RNF14: variants seen among roughly 807,000 people sequenced by gnomAD.
RNF14 encodes E3 ubiquitin-protein ligase RNF14.
In RNF14, 26 loss-of-function variants were observed where a neutral mutation model predicts 52.6. The ratio of observed to expected loss-of-function variants is 0.49; its 90% CI spans 0.36 to 0.69. RNF14 has a LOEUF of 0.69. Ranked by LOEUF, RNF14 falls within the 30% of genes least tolerant of loss-of-function variation. The pLI is 0.00. For missense variants in RNF14, 404 were observed against 560.4 expected (o/e 0.72, Z 2.82); for synonymous variants, 194 against 202.0 (o/e 0.96, Z 0.34).
chr5:141,956,512 C>T (rs369995356), upstream of RNF14: 4 of 1,614,104 alleles, frequency 2.5e-6, no homozygotes, highest in Non-Finnish European at 3.4e-6. Context: ...GATCTGAATG[C>T]TGAGCTGTTT....
chr5:141,976,081 T>C (rs11167762), intron 4 of RNF14, among the ~76,000 whole-genome samples: 12,867 of 152,224 alleles, frequency 0.085, 599 homozygotes, highest in African/African-American at 0.11. Flanking sequence ...GAGCTTATGG[T>C]TTAAAAGCAA....
At chr5:141,976,539 T>G (rs761414266) in intron 4 of RNF14, among the ~76,000 whole-genome samples, 2 of 152,158 alleles carry the variant, frequency 1.3e-5, no homozygotes, top group Non-Finnish European at 2.9e-5. Flanking sequence ...TCTCTTATAT[T>G]CCTTCTTGGT....
upstream of RNF14, among the ~76,000 whole-genome samples, chr5:141,962,929 C>G (rs935613537): frequency 6.6e-6 from 1 of 152,136 alleles, no homozygotes; most frequent in African/African-American, 2.4e-5. Flanking sequence ...ATCTCCACCC[C>G]AACTTCATCG....
chr5:141,985,698 G>A (rs1399041632), intron 8 of RNF14, among the ~76,000 whole-genome samples: 3 of 152,112 alleles, frequency 2.0e-5, no homozygotes, highest in African/African-American at 4.8e-5. Context: ...GACTACAGGC[G>A]CCTGCCACCA....
In RNF14 at chr5:141,971,599, CT is replaced by C. The variant is rs1316437564; in HGVS notation, c.-7+725del. On this transcript the variant is annotated intron_variant, in intron 2 of 8. Coordinates refer to ENST00000394520, the MANE Select transcript of RNF14 (RefSeq NM_004290.5). The stretch of plus-strand genomic sequence containing the variant: ...TCTTTCTTTCTTTCTTTCTTTCTTT[CT>C]TTCTTTCTTTCCTTTCTTTCTTCTT... Among the ~76,000 whole-genome samples, 24 of 69,588 alleles carry C rather than the reference CT, an allele frequency of 3.4e-4. 1 individual carries two copies. The highest frequency in any genetic ancestry group is 6.5e-4 in the Non-Finnish European group (23 of 35,372). The allele number at this position is 69,588 out of a possible 152,430, so 45.7% of individuals were successfully genotyped here. A position where few individuals can be genotyped will look rare whatever the true frequency, so the allele number is the denominator to read the frequency against.
At chr5:141,961,916 C>T (rs149918377), upstream of RNF14, among the ~76,000 whole-genome samples, 224 of 152,318 alleles carry the variant, frequency 1.5e-3, no homozygotes, top group Middle Eastern at 6.8e-3. Flanking sequence ...TGCCCCACTT[C>T]CAGGGCTCTG....
chr5:141,971,808 C>T (rs116160048), intron 2 of RNF14, among the ~76,000 whole-genome samples: 2,004 of 150,886 alleles, frequency 0.013, 55 homozygotes, highest in African/African-American at 0.047. Context: ...CCACAATGCC[C>T]GGCTAATTTT....
intron 7 of RNF14, among the ~76,000 whole-genome samples, chr5:141,984,523 A>C (rs1755067002): frequency 6.6e-6 from 1 of 152,248 alleles, no homozygotes; most frequent in African/African-American, 2.4e-5. Flanking sequence ...ATATTAATCT[A>C]ACTACATTTT....
In RNF14 at chr5:141,978,640, G is replaced by A; in HGVS notation, c.644G>A (p.Ser215Asn). 1.2e-6 allele frequency: 2 copies of A among 1,614,010 alleles called. No individual in the cohort carries two copies. The highest frequency in any genetic ancestry group is 1.7e-6 in the Non-Finnish European group (2 of 1,179,876). Residue 215 changes from serine (S) to asparagine (N), a missense_variant, in exon 5 of 9, where the codon AGT (serine) becomes AAT (asparagine). Coordinates refer to ENST00000394520, the MANE Select transcript of RNF14 (RefSeq NM_004290.5). ...GCTCAGCAGATAAAATGCTTTAATA[G>A]TAAATTGTTCCTGTGCAGTATCTGT... Reference protein sequence around the residue: ...DQAQQIKCFNSKLFLCSICFC... With the variant: ...DQAQQIKCFNNKLFLCSICFC...
At position 141,989,318 on chromosome 5, in the gene RNF14, A is replaced by G. The variant is rs1394194549; in HGVS notation, c.*1528A>G. On this transcript the variant is annotated 3_prime_UTR_variant, in exon 9 of 9. Coordinates refer to ENST00000394520, the MANE Select transcript of RNF14 (RefSeq NM_004290.5). ...AGCATCTCTTTTACCTGGGCTTGTG[A>G]CTGAGCTTAGGTTTTAGGGCCCATA... 2 of 152,248 alleles carry G rather than the reference A, an allele frequency of 1.3e-5. No homozygotes were observed. The allele number at this position is 152,248 out of a possible 1,614,324, so 9.4% of individuals were successfully genotyped here.
At chr5:141,957,164 C>T, upstream of RNF14, 1 of 1,614,146 alleles carries the variant, frequency 6.2e-7, no homozygotes, top group South Asian at 1.1e-5. This position sits in a 1 kb window ranked among gnomAD's most constrained non-coding sequence, Gnocchi z 4.3. Context: ...TTGACCTTGA[C>T]CAAGCTGGTA....
In RNF14 at chr5:141,961,518, TC is replaced by T. The variant is rs200603464; in HGVS notation, c.-181+3094del. ...GGGTGAATGGAGCTGTCACTAGAGT[TC>T]GTCTGGAAAGGCGACGTTTTCCTGA... On this transcript the variant is annotated intron_variant, in intron 1 of 4. Coordinates refer to the RNF14 transcript ENST00000506822. 2.2e-3 allele frequency among the ~76,000 whole-genome samples: 341 copies of T among 152,248 alleles called. 2 individuals carry two copies. The highest frequency in any genetic ancestry group is 7.8e-3 in the African/African-American group (325 of 41,550).
chr5:141,962,650 G>A (rs1753283978), upstream of RNF14, among the ~76,000 whole-genome samples: 1 of 152,194 alleles, frequency 6.6e-6, no homozygotes. Flanking sequence ...GAATGAAGAT[G>A]AAAAGGACTT....
intron 4 of RNF14, 89 bp downstream of exon 4, chr5:141,975,044 A>G (rs1754123123): frequency 2.2e-6 from 3 of 1,376,388 alleles, no homozygotes; most frequent in South Asian, 1.3e-5. Context: ...TCTTGAATTC[A>G]GTGCATGAAA....
upstream of RNF14, among the ~76,000 whole-genome samples, chr5:141,953,771 G>A (rs1753128485): frequency 6.6e-6 from 1 of 152,224 alleles, no homozygotes; most frequent in African/African-American, 2.4e-5. Flanking sequence ...GGTCTGCACC[G>A]ATCCCAGGGC....
At chr5:141,984,987 G>A (rs1755111093) in intron 8 of RNF14, 54 bp downstream of exon 8, 17 of 1,492,940 alleles carry the variant, frequency 1.1e-5, no homozygotes, top group South Asian at 4.7e-5. Context: ...TACTTGATTT[G>A]CAGACCACAA....
At chr5:141,963,232 T>A (rs1753288931), upstream of RNF14, 1 of 152,198 alleles carries the variant, frequency 6.6e-6, no homozygotes, top group South Asian at 2.1e-4. Context: ...GGGTTATTGG[T>A]CCAGAAAGGG....
chr5:141,955,666 A>C (rs1040126771), upstream of RNF14: 1 of 1,614,034 alleles, frequency 6.2e-7, no homozygotes, highest in African/African-American at 1.3e-5. The surrounding 1 kb of genome is among the most constrained non-coding windows in gnomAD (Gnocchi z 5.5). Flanking sequence ...GATCAACCCG[A>C]AGATGCCCAA....
upstream of RNF14, chr5:141,957,047 T>A: frequency 6.2e-7 from 1 of 1,614,222 alleles, no homozygotes; most frequent in Non-Finnish European, 8.5e-7. The surrounding 1 kb of genome is among the most constrained non-coding windows in gnomAD (Gnocchi z 4.3). Flanking sequence ...TCAGGGTCTG[T>A]GGCGGTCAGT....
Sources: allele counts gnomAD v4.1 joint callset (sites outside exome capture counted in the v4.1 genomes callset), GRCh38; gene constraint gnomAD v4.1.1; non-coding constraint Gnocchi (gnomAD v3.1); transcripts MANE v1.5; gene names NCBI Gene and HGNC (gene_info 2026-07-23, HGNC 2026-07-21).